Variants in WDR37 observed in about 807,000 individuals in gnomAD.
WDR37 encodes the protein WD repeat-containing protein 37.
Under a neutral mutation model 62.9 loss-of-function variants are expected in WDR37, and 19 were observed. The observed-to-expected ratio is 0.30, with a 90% CI of 0.21 to 0.44. The LOEUF is 0.44. WDR37 is among the 20% of genes least tolerant of loss of function. The probability of loss-of-function intolerance (pLI) is 1.00; values close to 1 mark genes in which losing one functional copy is unlikely to be tolerated. For missense variants in WDR37, 474 were observed against 657.6 expected, an observed-to-expected ratio of 0.72 and a Z score of 3.05; for synonymous variants, 250 against 260.9, an observed-to-expected ratio of 0.96 and a Z score of 0.40.
At chr10:1,087,837 A>T (rs932553569) in intron 7 of WDR37, among the ~76,000 whole-genome samples, 5 of 152,244 alleles carry the variant, frequency 3.3e-5, no homozygotes, top group African/African-American at 1.2e-4. Context: ...TTTCGAAGGC[A>T]TGGATGTCTC....
intron 10 of WDR37, among the ~76,000 whole-genome samples, chr10:1,104,364 A>G (rs1301879311): frequency 1.3e-5 from 2 of 152,244 alleles, no homozygotes; most frequent in African/African-American, 2.4e-5. Context: ...CTGGGCGTGC[A>G]GAGGCTGTGT....
intron 1 of WDR37, among the ~76,000 whole-genome samples, chr10:1,060,765 A>G (rs915997995): frequency 1.4e-4 from 22 of 152,352 alleles, no homozygotes; most frequent in South Asian, 8.3e-4. Flanking sequence ...ACCTCATGTA[A>G]GATGGTGGTC....
rs10047382 is a variant in WDR37, at chr10:1,056,928, T to C, written c.-81T>C. The C allele has an allele frequency of 0.11, 16,736 of 152,516 alleles. 1,103 individuals are homozygous for C. The highest frequency in any genetic ancestry group is 0.19 in the African/African-American group (7,816 of 41,498). 9.4% of individuals were successfully genotyped at this position (152,516 alleles called of 1,614,324 possible). On this transcript the variant is annotated 5_prime_UTR_variant, in exon 1 of 14. Coordinates refer to ENST00000263150, the MANE Select transcript of WDR37 (RefSeq NM_014023.4). Reference sequence around the variant, plus strand: ...AGGGACTCACTGGCGGTGCGCGACCTGGGCTGGCTCCGGGGGTGGCGGGCG... The same window carrying C: ...AGGGACTCACTGGCGGTGCGCGACCCGGGCTGGCTCCGGGGGTGGCGGGCG...
At chr10:1,125,444 A>G (rs896554783) in intron 13 of WDR37, among the ~76,000 whole-genome samples, 3 of 152,172 alleles carry the variant, frequency 2.0e-5, no homozygotes, top group African/African-American at 7.2e-5. Flanking sequence ...TCCTGACCTC[A>G]GGTGATCTGC....
chr10:1,114,401 A>G (rs1835320353), intron 11 of WDR37, among the ~76,000 whole-genome samples: 1 of 152,264 alleles, frequency 6.6e-6, no homozygotes, highest in Non-Finnish European at 1.5e-5. Context: ...ATCAGTCAGC[A>G]GCCATCAGCA....
chr10:1,099,344 C>A (rs34964132), intron 9 of WDR37, among the ~76,000 whole-genome samples: 70,367 of 152,030 alleles, frequency 0.46, 16,661 homozygotes, highest in African/African-American at 0.55. Context: ...TAAATGACGT[C>A]CACGTCTAGA....
At position 1,124,977 on chromosome 10, in the gene WDR37, G is replaced by C; in HGVS notation, c.1306G>C (p.Asp436His). ...TGACAACCGACAAGTGAGACTGTTT[G>C]ATATGTCAGGAGTGCGCCTGGCGCG... Reference protein sequence around the residue: ...PHDNRQVRLFDMSGVRLARLP... With the variant: ...PHDNRQVRLFHMSGVRLARLP... The change falls in exon 13 of 14, where the codon GAT becomes CAT. Residue 436 changes from aspartate to histidine, a missense_variant. Coordinates refer to ENST00000263150, the MANE Select transcript of WDR37 (RefSeq NM_014023.4). 6.2e-7 allele frequency: 1 copy of C among 1,614,218 alleles called. No individual in the cohort carries two copies. The highest frequency in any genetic ancestry group is 8.5e-7 in the Non-Finnish European group (1 of 1,180,046).
intron 6 of WDR37, 71 bp downstream of exon 6, chr10:1,084,609 A>G (rs1589092392): frequency 4.4e-6 from 7 of 1,576,992 alleles, no homozygotes; most frequent in African/African-American, 1.4e-5. Flanking sequence ...ATGGACATTC[A>G]CTTTTCTGTG....
chr10:1,110,934 C>T (rs920380494), intron 11 of WDR37, among the ~76,000 whole-genome samples: 4 of 152,210 alleles, frequency 2.6e-5, no homozygotes. Context: ...GTAGCTCTGC[C>T]GGTTTTACAG....
Position 1,065,639 on chromosome 10 carries a change from G to A in WDR37, c.-40-6477G>A, listed in dbSNP as rs60823863. Among the ~76,000 whole-genome samples, 1,059 of 151,814 alleles carry A rather than the reference G, an allele frequency of 7.0e-3. 9 individuals carry two copies. The highest frequency in any genetic ancestry group is 0.023 in the African/African-American group (969 of 41,470). ...ACATGATAGAATTCAGCACTCATTC[G>A]TGAAAGAAACTCAGAAAATGAATGA... On this transcript the variant is annotated intron_variant, in intron 1 of 13. Coordinates refer to ENST00000263150, the MANE Select transcript of WDR37 (RefSeq NM_014023.4).
Position 1,129,681 on chromosome 10 carries a change from T to TACACCTG in WDR37, c.*337_*338insACACCTG. 5.2e-6 allele frequency: 1 copy of TACACCTG among 191,682 alleles called. No homozygotes were observed. The highest frequency in any genetic ancestry group is 1.0e-4 in the South Asian group (1 of 9,724). The allele number at this position is 191,682 out of a possible 1,614,324, so 11.9% of individuals were successfully genotyped here. A position where few individuals can be genotyped will look rare whatever the true frequency, so the allele number is the denominator to read the frequency against. ...TTTGTGTGAATTAAATGTGAACTTCTGTATTACGTTGCGGCGTCGGCAGTC... is the reference window on the plus strand; with the variant it reads ...TTTGTGTGAATTAAATGTGAACTTCTACACCTGGTATTACGTTGCGGCGTCGGCAGTC... On this transcript the variant is annotated 3_prime_UTR_variant, in exon 14 of 14. Coordinates refer to ENST00000263150, the MANE Select transcript of WDR37 (RefSeq NM_014023.4).
intron 1 of WDR37, among the ~76,000 whole-genome samples, chr10:1,066,243 GT>G (rs1833537807): frequency 1.3e-5 from 2 of 152,154 alleles, no homozygotes; most frequent in East Asian, 3.8e-4. Flanking sequence ...AGCCTCCTGA[GT>G]ATCTGGGACT....
intron 5 of WDR37, 59 bp downstream of exon 5, chr10:1,080,535 C>CT: frequency 1.3e-6 from 2 of 1,549,146 alleles, no homozygotes; most frequent in Middle Eastern, 3.4e-4. Context: ...CAGATGTGTA[C>CT]TTTAAGTTGT....
chr10:1,102,107 T>C (rs113836818), intron 9 of WDR37, among the ~76,000 whole-genome samples: 82 of 137,514 alleles, frequency 6.0e-4, no homozygotes, highest in African/African-American at 1.8e-3. Flanking sequence ...CTGTGACGTG[T>C]GTTCCCGTGC....
At chr10:1,074,877 G>A (rs528652437) in intron 2 of WDR37, among the ~76,000 whole-genome samples, 4 of 152,382 alleles carry the variant, frequency 2.6e-5, no homozygotes, top group Admixed American at 1.3e-4. Flanking sequence ...GAGGTCTGTC[G>A]TTGCCGAGAA....
chr10:1,063,166 A>G (rs1336067327), intron 1 of WDR37, among the ~76,000 whole-genome samples: 1 of 152,054 alleles, frequency 6.6e-6, no homozygotes, highest in Non-Finnish European at 1.5e-5. Context: ...ATGACACCAA[A>G]CTTAGTTCTG....
chr10:1,098,999 G>A (rs769943759), intron 9 of WDR37, among the ~76,000 whole-genome samples: 4 of 152,162 alleles, frequency 2.6e-5, no homozygotes, highest in Non-Finnish European at 2.9e-5. Flanking sequence ...ATCTTTCATG[G>A]ACGTTTATCA....
intron 2 of WDR37, among the ~76,000 whole-genome samples, chr10:1,073,239 C>A (rs1334407518): frequency 6.6e-6 from 1 of 152,138 alleles, no homozygotes; most frequent in Non-Finnish European, 1.5e-5. Context: ...TGTAAACTTA[C>A]AACCATTCCT....
chr10:1,074,987 G>T (rs1004233076), intron 2 of WDR37, among the ~76,000 whole-genome samples: 4 of 152,276 alleles, frequency 2.6e-5, no homozygotes, highest in African/African-American at 4.8e-5. Context: ...TGGTGTCGAT[G>T]TGATGGAAGA....
Sources: allele counts gnomAD v4.1 joint callset (sites outside exome capture counted in the v4.1 genomes callset), GRCh38; gene constraint gnomAD v4.1.1; transcripts MANE v1.5; gene names NCBI Gene and HGNC (gene_info 2026-07-23, HGNC 2026-07-21).